The following COQ5 variants were observed in gnomAD, a reference collection of about 807,000 sequenced individuals.
The protein encoded by COQ5 is coenzyme Q5, methyltransferase.
COQ5 carries 27 observed loss-of-function variants against 40.5 expected under a neutral mutation model. The ratio of observed to expected loss-of-function variants is 0.67; its 90% CI spans 0.49 to 0.92. The LOEUF is 0.92. Among genes scored for constraint, COQ5 ranks in the 40% least tolerant of loss-of-function variants. The pLI is 0.00. For missense variants in COQ5, 409 were observed against 406.4 expected, an observed-to-expected ratio of 1.01 and a Z score of -0.06; for synonymous variants, 141 against 150.0, an observed-to-expected ratio of 0.94 and a Z score of 0.44.
Position 120,510,095 on chromosome 12 carries a change from T to C in COQ5, c.603A>G (p.Glu201=), listed in dbSNP as rs754808397. Residue 201 remains glutamate, a synonymous_variant, in exon 4 of 7, where the codon GAA becomes GAG. Transcript: ENST00000288532. The part of the protein sequence containing the change: ...AGLAWVLGDA[E]ELPFDDDKFD... Reference sequence around the variant, plus strand: ...ACTTGTCATCATCAAAGGGCAGTTCTTCAGCATCTCCTAATACCCATGCAA... The same window carrying C: ...ACTTGTCATCATCAAAGGGCAGTTCCTCAGCATCTCCTAATACCCATGCAA... 1 of 1,614,006 alleles carries C rather than the reference T, an allele frequency of 6.2e-7. No individual in the cohort carries two copies. The highest frequency in any genetic ancestry group is 1.7e-5 in the Admixed American group (1 of 59,984).
chr12:120,509,775 C>A, intron 4 of COQ5: 3 of 366,254 alleles, frequency 8.2e-6, no homozygotes, highest in African/African-American at 2.1e-5. Flanking sequence ...ATCTATCTAT[C>A]TCTCTCTCTC....
intron 2 of COQ5, among the ~76,000 whole-genome samples, chr12:120,517,448 A>G (rs985453672): frequency 4.0e-5 from 6 of 151,004 alleles, no homozygotes; most frequent in African/African-American, 1.5e-4. Context: ...AGGCGGTTGG[A>G]TCACGAGGTC....
intron 3 of COQ5, among the ~76,000 whole-genome samples, chr12:120,511,419 C>G (rs1215046026): frequency 1.3e-5 from 2 of 152,004 alleles, no homozygotes; most frequent in Non-Finnish European, 2.9e-5. Context: ...TTAGTATATC[C>G]TCATACCAAC....
intron 3 of COQ5, among the ~76,000 whole-genome samples, chr12:120,513,038 G>A (rs987862817): frequency 5.3e-5 from 8 of 150,922 alleles, no homozygotes; most frequent in African/African-American, 1.9e-4. Flanking sequence ...GACCTGAGGT[G>A]ATCCACCTGC....
Position 120,516,781 on chromosome 12 carries a change from A to T in COQ5, c.360T>A (p.Ile120=). The T allele has an allele frequency of 1.2e-6, 2 of 1,614,042 alleles. No homozygotes were observed. Residue 120 remains isoleucine (I), a synonymous_variant, in exon 3 of 7, where the codon ATT becomes ATA. Transcript: ENST00000288532. Reference sequence around the variant, plus strand: ...GAACATAATTAAGGAACCGGAATGCAATGTCACCTGTGGGAAGCCAACATG... The same window carrying T: ...GAACATAATTAAGGAACCGGAATGCTATGTCACCTGTGGGAAGCCAACATG... ...LLDVAGGTGD[I]AFRFLNYVQS... is the part of the protein sequence containing the mutation.
intron 2 of COQ5, among the ~76,000 whole-genome samples, chr12:120,517,250 C>A (rs902819077): frequency 2.6e-5 from 4 of 151,464 alleles, no homozygotes; most frequent in African/African-American, 9.7e-5. Context: ...TACTTGGGAG[C>A]CTGCGGCAGG....
At chr12:120,525,911 C>T (rs890615314) in intron 1 of COQ5, among the ~76,000 whole-genome samples, 14 of 148,882 alleles carry the variant, frequency 9.4e-5, no homozygotes, top group Non-Finnish European at 1.2e-4. Context: ...GGCGACAGAG[C>T]GAGACTCCAT....
intron 2 of COQ5, among the ~76,000 whole-genome samples, chr12:120,520,576 G>A (rs1194452877): frequency 1.3e-5 from 2 of 151,786 alleles, no homozygotes; most frequent in South Asian, 2.1e-4. Context: ...CGACCGCCTC[G>A]GGCTCCCAAA....
At chr12:120,511,217 A>G (rs1180371195) in intron 3 of COQ5, among the ~76,000 whole-genome samples, 2 of 149,662 alleles carry the variant, frequency 1.3e-5, no homozygotes, top group African/African-American at 4.9e-5. Context: ...AGATCGCGCC[A>G]CTGCACTCCA....
chr12:120,523,943 G>A (rs752285087), intron 1 of COQ5: 1 of 420,858 alleles, frequency 2.4e-6, no homozygotes, highest in Non-Finnish European at 4.8e-6. Context: ...CTGGAAGGTA[G>A]AGGTTGCAGT....
intron 1 of COQ5, among the ~76,000 whole-genome samples, chr12:120,525,507 T>A (rs1202393009): frequency 6.6e-6 from 1 of 152,098 alleles, no homozygotes; most frequent in Admixed American, 6.6e-5. Context: ...TGCCAGCTAC[T>A]CGGGGGGCTA....
chr12:120,507,992 CATCT>C (rs775269541), intron 4 of COQ5, among the ~76,000 whole-genome samples: 67 of 151,878 alleles, frequency 4.4e-4, no homozygotes, highest in Non-Finnish European at 8.2e-4. Context: ...TTATTCTATC[CATCT>C]ATCTATTTAT....
At position 120,504,071 on chromosome 12, in the gene COQ5, G is replaced by T. The variant is rs771090392; in HGVS notation, c.781C>A (p.Leu261Ile). The change falls in exon 6 of 7, where the codon CTA becomes ATA. Residue 261 changes from leucine to isoleucine, a missense_variant. Coordinates refer to ENST00000288532, the MANE Select transcript of COQ5 (RefSeq NM_032314.4). ...ACAGGGATGACCTGGAAGCTATATA[G>T]ATCATAAAGCCTAGGCAAACAAAAA... ...NNPLISRLYD[L>I]YSFQVIPVLG... is the part of the protein sequence containing the mutation. 1.3e-6 allele frequency: 2 copies of T among 1,599,510 alleles called. No individual in the cohort carries two copies. Among genetic ancestry groups the T allele is most frequent in the East Asian group, 4.5e-5 (2 of 44,814 alleles).
At chr12:120,526,703 T>TTTTTTTTTC (rs1251823160) in intron 1 of COQ5, among the ~76,000 whole-genome samples, 56 of 45,204 alleles carry the variant, frequency 1.2e-3, no homozygotes, top group African/African-American at 3.8e-3. Flanking sequence ...TGGCAATTTT[T>TTTTTTTTTC]TTTTTTTTTT....
intron 5 of COQ5, chr12:120,504,688 A>C (rs1042464648): frequency 3.0e-5 from 17 of 574,910 alleles, no homozygotes; most frequent in African/African-American, 1.9e-4. Context: ...AGGGGCTTCT[A>C]AGTCAATTTC....
At chr12:120,512,010 G>A (rs1345070637) in intron 3 of COQ5, among the ~76,000 whole-genome samples, 1 of 151,948 alleles carries the variant, frequency 6.6e-6, no homozygotes. Flanking sequence ...AGGAGTTCAA[G>A]ACCATCCGGG....
intron 4 of COQ5, among the ~76,000 whole-genome samples, chr12:120,507,288 A>ATT (rs954954756): frequency 2.2e-5 from 3 of 136,974 alleles, no homozygotes; most frequent in Non-Finnish European, 4.8e-5. Flanking sequence ...TATTCAACTT[A>ATT]TTTTTTTTTT....
intron 1 of COQ5, 156 bp from the exon 2 acceptor site, chr12:120,522,519 A>C: frequency 2.8e-6 from 2 of 713,376 alleles, no homozygotes; most frequent in South Asian, 1.6e-5. Context: ...ACACCTTAAC[A>C]TTACCTCTTT....
chr12:120,523,470 G>A (rs932432254), intron 1 of COQ5: 5 of 310,496 alleles, frequency 1.6e-5, no homozygotes, highest in African/African-American at 4.5e-5. Flanking sequence ...TCCACAGCCT[G>A]CTCCCCGCTG....
Sources: allele counts gnomAD v4.1 joint callset (sites outside exome capture counted in the v4.1 genomes callset), GRCh38; gene constraint gnomAD v4.1.1; transcripts MANE v1.5; gene names NCBI Gene and HGNC (gene_info 2026-07-23, HGNC 2026-07-21).